CAMKMT: variants seen among roughly 807,000 people sequenced by gnomAD.
CAMKMT encodes the protein calmodulin-lysine N-methyltransferase.
A neutral mutation model predicts 48.0 loss-of-function variants in CAMKMT; 53 were observed. The observed-to-expected ratio is 1.10, with a 90% CI of 0.89 to 1.39. The LOEUF is 1.39. Ranked by LOEUF, CAMKMT falls within the 40% of genes most tolerant of loss-of-function variation. The pLI is 0.00. For missense variants in CAMKMT, 428 were observed against 402.7 expected (o/e 1.06, Z -0.54); for synonymous variants, 165 against 152.3 (o/e 1.08, Z -0.61).
At chr2:44,567,793 C>G (rs1405011381) in intron 3 of CAMKMT, among the ~76,000 whole-genome samples, 12 of 152,132 alleles carry the variant, frequency 7.9e-5, no homozygotes. Flanking sequence ...TAGACATTAA[C>G]AATGTTTCTT....
At chr2:44,443,552 A>G (rs1209736265) in intron 3 of CAMKMT, among the ~76,000 whole-genome samples, 1 of 152,146 alleles carries the variant, frequency 6.6e-6, no homozygotes, top group Non-Finnish European at 1.5e-5. Context: ...GCTGCTCAGT[A>G]TTACTCTTCT....
chr2:44,374,323 A>C lies in CAMKMT; in HGVS notation c.311+1435A>C, dbSNP rs1172921005. 2.6e-5 allele frequency among the ~76,000 whole-genome samples: 4 copies of C among 152,288 alleles called. No individual in the cohort carries two copies. The East Asian group carries it at 7.7e-4, about 29-fold the overall frequency. ...TATATGCTTACTCTGTGTCAGGTAC[A>C]GAGCTAGGTGTTTTGATGTATTCCA... On this transcript the variant is annotated intron_variant, in intron 2 of 10. Transcript: ENST00000378494.
chr2:44,399,739 G>A (rs1027889759), intron 3 of CAMKMT, among the ~76,000 whole-genome samples: 1 of 152,056 alleles, frequency 6.6e-6, no homozygotes, highest in Non-Finnish European at 1.5e-5. Context: ...TGAGGAAGAC[G>A]GCTGTCAATG....
intron 3 of CAMKMT, chr2:44,456,550 T>C (rs1667572620): frequency 6.5e-7 from 1 of 1,549,642 alleles, no homozygotes; most frequent in Non-Finnish European, 8.7e-7. Flanking sequence ...TCTATACATG[T>C]CATCCTTTCT....
chr2:44,554,336 A>T (rs930912985), intron 3 of CAMKMT, among the ~76,000 whole-genome samples: 3 of 152,238 alleles, frequency 2.0e-5, no homozygotes, highest in Non-Finnish European at 4.4e-5. Flanking sequence ...CAGATTGCCT[A>T]GGTTCAAATC....
chr2:44,376,189 T>TC (rs1002906276), intron 2 of CAMKMT, among the ~76,000 whole-genome samples: 1 of 151,938 alleles, frequency 6.6e-6, no homozygotes, highest in African/African-American at 2.4e-5. Flanking sequence ...GAAGGGTGGA[T>TC]CACTTGAGCC....
chr2:44,445,693 T>A (rs1289141232), intron 3 of CAMKMT, among the ~76,000 whole-genome samples: 20 of 99,714 alleles, frequency 2.0e-4, no homozygotes, highest in African/African-American at 3.7e-4. Flanking sequence ...TTTTTTTTTT[T>A]ACCAGTTGGG....
At chr2:44,730,156 T>C (rs1263403117) in intron 7 of CAMKMT, among the ~76,000 whole-genome samples, 1 of 152,194 alleles carries the variant, frequency 6.6e-6, no homozygotes, top group African/African-American at 2.4e-5. Flanking sequence ...GAACAAAGAC[T>C]TGGGATATTT....
At chr2:44,481,001 A>G (rs917288830) in intron 3 of CAMKMT, among the ~76,000 whole-genome samples, 10 of 150,656 alleles carry the variant, frequency 6.6e-5, no homozygotes, top group Admixed American at 1.3e-4. Context: ...CATCCATATT[A>G]TGTGTGTGTG....
chr2:44,451,503 GAATT>G (rs1350053871), intron 3 of CAMKMT, among the ~76,000 whole-genome samples: 3 of 151,824 alleles, frequency 2.0e-5, no homozygotes, highest in Non-Finnish European at 4.4e-5. Flanking sequence ...ATCTACTATA[GAATT>G]AATTTAGATT....
At chr2:44,369,204 G>A (rs910914912) in intron 1 of CAMKMT, among the ~76,000 whole-genome samples, 7 of 152,172 alleles carry the variant, frequency 4.6e-5, no homozygotes, top group Admixed American at 2.0e-4. Flanking sequence ...TTTTGATTAA[G>A]TCTTTTAAAC....
chr2:44,708,846 A>G (rs1430394461), intron 6 of CAMKMT, among the ~76,000 whole-genome samples: 1 of 151,968 alleles, frequency 6.6e-6, no homozygotes, highest in Non-Finnish European at 1.5e-5. Flanking sequence ...TTATTGGACA[A>G]GAGAAGATTA....
chr2:44,446,977 C>G (rs1667037467), intron 3 of CAMKMT, among the ~76,000 whole-genome samples: 4 of 152,156 alleles, frequency 2.6e-5, no homozygotes, highest in Admixed American at 2.6e-4. Context: ...TACTTGATTA[C>G]CCAGGTGTTC....
intron 9 of CAMKMT, among the ~76,000 whole-genome samples, chr2:44,756,369 G>A (rs1268290537): frequency 1.3e-5 from 2 of 152,200 alleles, no homozygotes; most frequent in Non-Finnish European, 2.9e-5. Flanking sequence ...ATTACAATTA[G>A]AGCTGGTTTT....
chr2:44,534,657 A>T (rs771184782), intron 3 of CAMKMT, among the ~76,000 whole-genome samples: 10 of 152,200 alleles, frequency 6.6e-5, no homozygotes, highest in Admixed American at 2.0e-4. Context: ...AGAAATTAAC[A>T]TGAAAATCAA....
chr2:44,610,672 G>A (rs1230773383), intron 3 of CAMKMT, among the ~76,000 whole-genome samples: 1 of 152,202 alleles, frequency 6.6e-6, no homozygotes, highest in African/African-American at 2.4e-5. Flanking sequence ...CCCCAATTGT[G>A]TCATTGTTTA....
intron 3 of CAMKMT, among the ~76,000 whole-genome samples, chr2:44,682,313 A>C (rs1449942575): frequency 6.6e-6 from 1 of 152,236 alleles, no homozygotes; most frequent in Non-Finnish European, 1.5e-5. Context: ...CATGAAATGT[A>C]TCTACTCCAT....
chr2:44,763,552 C>G (rs1189219168), intron 9 of CAMKMT, among the ~76,000 whole-genome samples: 3 of 152,184 alleles, frequency 2.0e-5, no homozygotes, highest in Non-Finnish European at 4.4e-5. Flanking sequence ...AGTATGCATT[C>G]CAGCCAGAGA....
At position 44,657,516 on chromosome 2, in the gene CAMKMT, T is replaced by C. The variant is rs115729623; in HGVS notation, c.377-46767T>C. Reference sequence around the variant, plus strand: ...CTGGCCAAGGTCATGCCTTCCATGCTTTATGGTATGTAAGTTTGGAATTAA... The same window carrying C: ...CTGGCCAAGGTCATGCCTTCCATGCCTTATGGTATGTAAGTTTGGAATTAA... On this transcript the variant is annotated intron_variant, in intron 3 of 10. Transcript: ENST00000378494. The surrounding 1 kb of genome is among the most constrained non-coding windows in gnomAD (Gnocchi z 4.3). Among the ~76,000 whole-genome samples, 1,155 of 152,318 alleles carry C rather than the reference T, an allele frequency of 7.6e-3. 5 individuals carry two copies. The highest frequency in any genetic ancestry group is 0.013 in the Non-Finnish European group (853 of 68,030).
Sources: gnomAD v4.1 joint callset for allele counts (sites outside exome capture counted in the v4.1 genomes callset) on GRCh38, gnomAD v4.1.1 for gene constraint, Gnocchi (gnomAD v3.1) non-coding constraint, MANE v1.5 for transcripts, NCBI Gene and HGNC (gene_info 2026-07-23, HGNC 2026-07-21) for gene names.